The following AKAP19 variants were observed in gnomAD, a reference collection of about 807,000 sequenced individuals.
AKAP19 encodes the protein small A-kinase anchoring protein.
At chr2:190,118,993 T>G in the AKAP19 span, among the ~76,000 whole-genome samples, 2,959 of 152,344 alleles carry the variant, frequency 0.019, 40 homozygotes, top group Middle Eastern at 0.031. Flanking sequence ...CGAAATCTCC[T>G]TAAGCTGATA....
the AKAP19 span, among the ~76,000 whole-genome samples, chr2:189,968,527 A>G: frequency 6.6e-6 from 1 of 152,244 alleles, no homozygotes; most frequent in Non-Finnish European, 1.5e-5. Context: ...GACATGAGCC[A>G]GTGCGCCTGG....
At chr2:190,069,167 T>TGA in the AKAP19 span, among the ~76,000 whole-genome samples, 1 of 140,652 alleles carries the variant, frequency 7.1e-6, no homozygotes, top group Admixed American at 7.0e-5. Context: ...TGTGTGTGTG[T>TGA]GTGTGTGTGA....
the AKAP19 span, among the ~76,000 whole-genome samples, chr2:190,133,220 A>G: frequency 2.2e-5 from 3 of 134,302 alleles, no homozygotes; most frequent in South Asian, 8.4e-4. Context: ...CCTGGGAGAC[A>G]GAGCGAGACT....
the AKAP19 span, among the ~76,000 whole-genome samples, chr2:189,886,679 G>A: frequency 1.3e-3 from 196 of 152,306 alleles, no homozygotes; most frequent in African/African-American, 4.5e-3. Context: ...CTTGAGCTCA[G>A]CAATGAGGGC....
the AKAP19 span, chr2:189,930,395 G>C: frequency 3.0e-6 from 1 of 335,358 alleles, no homozygotes; most frequent in East Asian, 8.3e-5. Flanking sequence ...AATTGAATTG[G>C]GGCTGGGCGC....
the AKAP19 span, chr2:190,199,815 GA>G: frequency 6.3e-7 from 1 of 1,595,126 alleles, no homozygotes; most frequent in Non-Finnish European, 8.5e-7. Context: ...AGATGGCCTG[GA>G]AGTAGTCTTT....
chr2:190,013,794 T>G, the AKAP19 span, among the ~76,000 whole-genome samples: 1 of 152,078 alleles, frequency 6.6e-6, no homozygotes, highest in Non-Finnish European at 1.5e-5. Flanking sequence ...CTGAGATTAC[T>G]GGTGTGAGCC....
chr2:189,931,973 A>G, the AKAP19 span, among the ~76,000 whole-genome samples: 1 of 152,262 alleles, frequency 6.6e-6, no homozygotes, highest in Non-Finnish European at 1.5e-5. Context: ...CAATTTCCCA[A>G]CTAATGTCCT....
the AKAP19 span, among the ~76,000 whole-genome samples, chr2:190,025,526 A>G: frequency 6.6e-6 from 1 of 152,324 alleles, no homozygotes; most frequent in Non-Finnish European, 1.5e-5. Context: ...AAGTTTCATC[A>G]TCCTAAAAAA....
the AKAP19 span, among the ~76,000 whole-genome samples, chr2:190,199,377 T>C: frequency 6.6e-6 from 1 of 152,128 alleles, no homozygotes; most frequent in African/African-American, 2.4e-5. Flanking sequence ...GGCCCAATGG[T>C]TTGCTAGCCC....
At chr2:189,967,553 G>A in the AKAP19 span, among the ~76,000 whole-genome samples, 3 of 152,080 alleles carry the variant, frequency 2.0e-5, no homozygotes, top group Admixed American at 1.3e-4. Flanking sequence ...TAAAACTATC[G>A]GACTAAAATA....
chr2:190,042,858 T>G, the AKAP19 span, among the ~76,000 whole-genome samples: 3 of 152,204 alleles, frequency 2.0e-5, no homozygotes, highest in Non-Finnish European at 2.9e-5. Flanking sequence ...TATTTATGCT[T>G]CTTTCAAAAT....
At chr2:190,061,045 G>A in the AKAP19 span, among the ~76,000 whole-genome samples, 4 of 152,034 alleles carry the variant, frequency 2.6e-5, no homozygotes, top group Non-Finnish European at 4.4e-5. Flanking sequence ...AAGTTCGAAA[G>A]TATTGTCTTT....
the AKAP19 span, among the ~76,000 whole-genome samples, chr2:189,936,623 A>G: frequency 2.0e-5 from 3 of 151,908 alleles, no homozygotes; most frequent in Non-Finnish European, 4.4e-5. Flanking sequence ...TATAGGATAA[A>G]GAAACAAATG....
the AKAP19 span, among the ~76,000 whole-genome samples, chr2:190,042,817 G>A: frequency 0.011 from 1,702 of 152,242 alleles, 27 homozygotes; most frequent in African/African-American, 0.039. Flanking sequence ...AGTGTGTTAA[G>A]GTATTAGCTG....
chr2:190,004,478 C>CTATTATTAT, the AKAP19 span, among the ~76,000 whole-genome samples: 2 of 151,142 alleles, frequency 1.3e-5, no homozygotes, highest in Non-Finnish European at 3.0e-5. Flanking sequence ...ACCTTATCAC[C>CTATTATTAT]TATTATTATT....
the AKAP19 span, among the ~76,000 whole-genome samples, chr2:189,913,063 A>G: frequency 6.6e-6 from 1 of 152,176 alleles, no homozygotes; most frequent in Non-Finnish European, 1.5e-5. Context: ...AAGCAAATGT[A>G]TATATTACAC....
At chr2:190,083,639 T>G in the AKAP19 span, among the ~76,000 whole-genome samples, 2 of 152,222 alleles carry the variant, frequency 1.3e-5, no homozygotes, top group African/African-American at 2.4e-5. Flanking sequence ...AGCTATACAT[T>G]GTTGAACTCT....
the AKAP19 span, among the ~76,000 whole-genome samples, chr2:190,143,785 T>C: frequency 1.3e-5 from 2 of 150,592 alleles, no homozygotes; most frequent in African/African-American, 4.9e-5. Context: ...TGTCCAACAA[T>C]GATAGACTGG....
Sources: gnomAD v4.1 joint callset for allele counts (sites outside exome capture counted in the v4.1 genomes callset) on GRCh38, gnomAD v4.1.1 for gene constraint, MANE v1.5 for transcripts, NCBI Gene and HGNC (gene_info 2026-07-23, HGNC 2026-07-21) for gene names.